Variants in VWDE observed in about 807,000 individuals in gnomAD.
The protein encoded by VWDE is von Willebrand factor D and EGF domains.
A neutral mutation model predicts 178.4 loss-of-function variants in VWDE; 207 were observed. The ratio of observed to expected loss-of-function variants is 1.16; its 90% CI spans 1.04 to 1.30. The LOEUF is 1.30. Ranked by LOEUF, VWDE falls within the 50% of genes most tolerant of loss-of-function variation. VWDE has a pLI of 0.00. For missense variants in VWDE, 2,287 were observed against 1,901.3 expected, an observed-to-expected ratio of 1.20 and a Z score of -3.77; for synonymous variants, 738 against 651.4, an observed-to-expected ratio of 1.13 and a Z score of -2.02.
At chr7:12,367,221 C>G in intron 13 of VWDE, 136 bp downstream of exon 13, 3 of 599,422 alleles carry the variant, frequency 5.0e-6, no homozygotes, top group Non-Finnish European at 7.5e-6. Flanking sequence ...GTAACTTAAT[C>G]ATTTTCCTGT....
chr7:12,345,058 G>C (rs749798691), intron 19 of VWDE, among the ~76,000 whole-genome samples: 18 of 152,020 alleles, frequency 1.2e-4, no homozygotes, highest in Non-Finnish European at 1.0e-4. Flanking sequence ...TACCCAATTT[G>C]TGGGGTTCAT....
Position 12,369,951 on chromosome 7 carries a change from C to G in VWDE, c.2355G>C (p.Glu785Asp). The G allele has an allele frequency of 2.6e-6, 4 of 1,551,500 alleles. No homozygotes were observed. The highest frequency in any genetic ancestry group is 2.6e-6 in the Non-Finnish European group (3 of 1,146,880). ...AGGGGAAAAACTCTTGCTGTACATCCTCAGCATGGTCCTCTGGGAAAAAAT... is the reference window on the plus strand; with the variant it reads ...AGGGGAAAAACTCTTGCTGTACATCGTCAGCATGGTCCTCTGGGAAAAAAT... ...LTYFFPEDHA[E>D]DVQQEFFPSW... is the part of the protein sequence containing the mutation. Residue 785 changes from glutamate (E) to aspartate (D), a missense_variant, in exon 12 of 29, where the codon GAG (glutamate) becomes GAC (aspartate). Coordinates refer to ENST00000275358, the MANE Select transcript of VWDE (RefSeq NM_001135924.3).
At chr7:12,355,061 T>C (rs1433351316) in intron 18 of VWDE, among the ~76,000 whole-genome samples, 2 of 152,132 alleles carry the variant, frequency 1.3e-5, no homozygotes, top group Non-Finnish European at 2.9e-5. Context: ...ACATTTGAAT[T>C]CTTTCAAATA....
intron 6 of VWDE, among the ~76,000 whole-genome samples, chr7:12,378,432 C>G (rs1783658349): frequency 6.6e-6 from 1 of 152,192 alleles, no homozygotes; most frequent in East Asian, 1.9e-4. Flanking sequence ...AGTTGAACTT[C>G]CTGAGAACTG....
At chr7:12,374,054 T>C (rs1333935612) in intron 9 of VWDE, among the ~76,000 whole-genome samples, 1 of 152,150 alleles carries the variant, frequency 6.6e-6, no homozygotes, top group Non-Finnish European at 1.5e-5. Context: ...GAAAAAAATG[T>C]TGATGCAACA....
At position 12,363,924 on chromosome 7, in the gene VWDE, C is replaced by T. The variant is rs549823534; in HGVS notation, c.2899-2403G>A. ...AGAGTGGAAAATAGTTAATCTAACT[C>T]ACTTTGGAAAGCAGTATCTGCCTTT... On this transcript the variant is annotated intron_variant, in intron 13 of 28. Transcript: ENST00000275358. Among the ~76,000 whole-genome samples, 47 of 152,112 alleles carry T rather than the reference C, an allele frequency of 3.1e-4. 1 individual carries two copies. The South Asian group carries it at 9.7e-3, about 32-fold the overall frequency.
intron 3 of VWDE, among the ~76,000 whole-genome samples, chr7:12,387,388 T>C (rs984716716): frequency 2.7e-4 from 41 of 152,052 alleles, no homozygotes; most frequent in African/African-American, 8.4e-4. Context: ...AGAAAACTTA[T>C]TGTAATTATT....
intron 4 of VWDE, among the ~76,000 whole-genome samples, chr7:12,383,323 T>C (rs1292729334): frequency 6.6e-6 from 1 of 152,126 alleles, no homozygotes; most frequent in Non-Finnish European, 1.5e-5. Context: ...ATTCTACTAA[T>C]ACACACACGT....
intron 16 of VWDE, 64 bp from the exon 17 acceptor site, chr7:12,357,579 G>A: frequency 6.6e-7 from 1 of 1,506,670 alleles, no homozygotes; most frequent in Middle Eastern, 1.7e-4. Flanking sequence ...GTACTTCTGA[G>A]AGCTCCCACA....
chr7:12,389,287 C>T lies in VWDE; in HGVS notation c.315G>A (p.Gly105=), dbSNP rs1784260481. ...LRDSETLPSP[G]EIKQLTACAT... is the part of the protein sequence containing the mutation. ...CACAAGCTGTCAATTGCTTGATCTCCCCAGGAGATGGCAGTGTTTCTGAAT... is the reference window on the plus strand; with the variant it reads ...CACAAGCTGTCAATTGCTTGATCTCTCCAGGAGATGGCAGTGTTTCTGAAT... Residue 105 remains glycine, a synonymous_variant, in exon 3 of 29, where the codon GGG becomes GGA. Transcript: ENST00000275358. The T allele has an allele frequency of 6.4e-7, 1 of 1,551,452 alleles. No individual in the cohort carries two copies. Among genetic ancestry groups the T allele is most frequent in the Non-Finnish European group, 8.7e-7 (1 of 1,146,952 alleles).
At chr7:12,335,906 C>G (rs1203193092) in intron 27 of VWDE, among the ~76,000 whole-genome samples, 1 of 152,050 alleles carries the variant, frequency 6.6e-6, no homozygotes, top group South Asian at 2.1e-4. Context: ...ATCCACAGAC[C>G]ATAATTTGAA....
Position 12,379,488 on chromosome 7 carries a change from C to T in VWDE, c.868G>A (p.Ala290Thr). 6.5e-7 allele frequency: 1 copy of T among 1,548,586 alleles called. No homozygotes were observed. The change falls in exon 6 of 29, where the codon GCA becomes ACA. Residue 290 changes from alanine (A) to threonine (T), a missense_variant. Transcript: ENST00000275358. ...CCACTGCTGCGTACCTTAAAGCCTG[C>T]AAAAAATTCTTGGCTTTCGATGGCT... ...SVAIESQEFF[A>T]GFKLQPELST... is the part of the protein sequence containing the mutation.
rs1324477554 is a variant in VWDE at position 12,369,625 on chromosome 7, C to T, written c.2681G>A (p.Cys894Tyr). 2.6e-6 allele frequency: 4 copies of T among 1,551,384 alleles called. No individual in the cohort carries two copies. Among genetic ancestry groups the T allele is most frequent in the Non-Finnish European group, 3.5e-6 (4 of 1,146,824 alleles). The change falls in exon 12 of 29, where the codon TGC (cysteine) becomes TAC (tyrosine). Residue 894 changes from cysteine to tyrosine, a missense_variant. Cys to Tyr is a radical substitution (Grantham distance 194). Transcript: ENST00000275358. Reference protein sequence around the residue: ...ILSVLKCPNLCSGNGQCMEWG... With the variant: ...ILSVLKCPNLYSGNGQCMEWG... ...TTCCATGCACTGCCCATTGCCGCTG[C>T]ATAAATTGGGGCATTTTAATACTGA...
chr7:12,350,599 T>C (rs1240143477), intron 19 of VWDE, among the ~76,000 whole-genome samples: 2 of 152,144 alleles, frequency 1.3e-5, no homozygotes. Flanking sequence ...CTACAGGCTT[T>C]GTACTAGAGG....
chr7:12,398,541 C>G (rs1784731949), intron 1 of VWDE, among the ~76,000 whole-genome samples: 2 of 152,166 alleles, frequency 1.3e-5, no homozygotes, highest in African/African-American at 4.8e-5. Context: ...CAATTTTAAT[C>G]AGTCAGAGAG....
At chr7:12,365,973 G>T (rs1782837154) in intron 13 of VWDE, among the ~76,000 whole-genome samples, 1 of 152,036 alleles carries the variant, frequency 6.6e-6, no homozygotes, top group African/African-American at 2.4e-5. Context: ...ACTGGATCAT[G>T]AGGGCAGTTT....
chr7:12,385,995 TA>T (rs752296094), intron 3 of VWDE, among the ~76,000 whole-genome samples: 4 of 152,176 alleles, frequency 2.6e-5, no homozygotes, highest in Admixed American at 6.6e-5. Flanking sequence ...ATTATGTTTT[TA>T]AATTCAGTGT....
intron 4 of VWDE, among the ~76,000 whole-genome samples, chr7:12,382,946 T>C (rs984931392): frequency 6.6e-6 from 1 of 151,440 alleles, no homozygotes; most frequent in Non-Finnish European, 1.5e-5. Flanking sequence ...AAGAGAAAAA[T>C]TTTAATCACT....
At chr7:12,394,981 T>A (rs1020569423) in intron 1 of VWDE, among the ~76,000 whole-genome samples, 1 of 152,156 alleles carries the variant, frequency 6.6e-6, no homozygotes, top group African/African-American at 2.4e-5. Flanking sequence ...GAAAAATAAG[T>A]CATTATAATT....
Sources: allele counts gnomAD v4.1 joint callset (sites outside exome capture counted in the v4.1 genomes callset), GRCh38; gene constraint gnomAD v4.1.1; transcripts MANE v1.5; gene names NCBI Gene and HGNC (gene_info 2026-07-23, HGNC 2026-07-21).